Variants in ZNF217 observed in about 807,000 individuals in gnomAD.
ZNF217 encodes zinc finger protein 217.
In ZNF217, 12 loss-of-function variants were observed where a neutral mutation model predicts 73.3. The observed-to-expected ratio is 0.16, with a 90% CI of 0.10 to 0.27. ZNF217 has a LOEUF of 0.27. Among genes scored for constraint, ZNF217 ranks in the 10% least tolerant of loss-of-function variants. ZNF217 has a pLI of 1.00. For synonymous variants in ZNF217, 588 were observed against 516.4 expected (o/e 1.14, Z -1.88); for missense variants, 1,195 against 1,327.8 (o/e 0.90, Z 1.55).
intron 2 of ZNF217, among the ~76,000 whole-genome samples, chr20:53,580,751 C>T (rs1988450989): frequency 6.6e-6 from 1 of 152,112 alleles, no homozygotes; most frequent in African/African-American, 2.4e-5. Context: ...CCTGAGGTAC[C>T]TATAAATGGA....
upstream of ZNF217, among the ~76,000 whole-genome samples, chr20:53,595,048 A>C (rs1369938499): frequency 6.0e-3 from 771 of 128,600 alleles, 4 homozygotes; most frequent in Non-Finnish European, 8.0e-3. Context: ...AAAAGGGACA[A>C]AAAAAAAAAA....
At chr20:53,597,093 A>AC (rs1989054288), upstream of ZNF217, among the ~76,000 whole-genome samples, 1 of 151,640 alleles carries the variant, frequency 6.6e-6, no homozygotes, top group Non-Finnish European at 1.5e-5. Flanking sequence ...CAAAAAAAAA[A>AC]AAAGAAAAAA....
chr20:53,577,616 TG>T (rs1568684269), intron 3 of ZNF217, among the ~76,000 whole-genome samples: 1 of 152,208 alleles, frequency 6.6e-6, no homozygotes, highest in African/African-American at 2.4e-5. Flanking sequence ...AGATAGTAAG[TG>T]GAAGAGATGA....
rs573619408 is a variant in ZNF217, at chr20:53,591,340, T to A, written c.-343+2416A>T. The stretch of plus-strand genomic sequence containing the variant: ...TCCTTCACCAATAAAAGTCATATCT[T>A]GTCCTCTACTTCCTCCTTCTGTAGG... On this transcript the variant is annotated intron_variant, in intron 1 of 5. Coordinates refer to ENST00000371471, the MANE Select transcript of ZNF217 (RefSeq NM_006526.3). 2.0e-5 allele frequency among the ~76,000 whole-genome samples: 3 copies of A among 152,376 alleles called. No individual in the cohort carries two copies. In the East Asian group the frequency reaches 5.8e-4, roughly 29 times the overall value.
rs371706071 is a variant in ZNF217, at chr20:53,576,401, G to A, written c.2363C>T (p.Pro788Leu). Reference protein sequence around the residue: ...SAFPAQSKSLPSAKGKQSPPG... With the variant: ...SAFPAQSKSLLSAKGKQSPPG... ...AGGGCTCTGCTTCCCCTTCGCAGAT[G>A]GCAGGGATTTGGACTGCGCCGGGAA... The change falls in exon 4 of 6, where the codon CCA (proline) becomes CTA (leucine). Residue 788 changes from proline to leucine, a missense_variant. Physicochemically the swap from Pro to Leu is moderately conservative, Grantham distance 98. Transcript: ENST00000371471. 1.3e-5 allele frequency: 21 copies of A among 1,614,116 alleles called. No homozygotes were observed. The African/African-American group carries it at 2.1e-4, about 16-fold the overall frequency.
At chr20:53,586,890 A>G (rs890866575) in intron 1 of ZNF217, among the ~76,000 whole-genome samples, 5 of 152,238 alleles carry the variant, frequency 3.3e-5, no homozygotes, top group African/African-American at 1.2e-4. Flanking sequence ...GTCTTTCTTG[A>G]CAAAGAACTG....
chr20:53,591,035 C>CT (rs1988861988), intron 1 of ZNF217, among the ~76,000 whole-genome samples: 1 of 149,528 alleles, frequency 6.7e-6, no homozygotes, highest in Non-Finnish European at 1.5e-5. Context: ...TTCACTGCTC[C>CT]TCCTTCCTCC....
At chr20:53,593,711 GGCGGGCGCCCCGGCTGGC>G (rs951336654) in intron 1 of ZNF217, 27 bp downstream of exon 1, 13 of 151,436 alleles carry the variant, frequency 8.6e-5, no homozygotes, top group African/African-American at 3.1e-4. Context: ...CGCAGGACCG[GGCGGGCGCCCCGGCTGGC>G]GCGGGCGGGG....
intron 1 of ZNF217, among the ~76,000 whole-genome samples, chr20:53,593,025 G>C (rs1336948488): frequency 6.6e-6 from 1 of 151,878 alleles, no homozygotes; most frequent in African/African-American, 2.4e-5. Context: ...TTTAAAATTA[G>C]AGGAGGGAAA....
rs762298072 is a variant in ZNF217, at chr20:53,581,508, C to G, written c.1319G>C (p.Gly440Ala). ...CCCATCCTCAGATCCGTCTTCAGAA[C>G]CACCTTCCCCTCGATCCACGGCTCC... ...ENGAVDRGEG[G>A]SEDGSEDGLP... is the part of the protein sequence containing the mutation. Residue 440 changes from glycine (G) to alanine (A), a missense_variant, in exon 2 of 6, where the codon GGT (glycine) becomes GCT (alanine). Gly to Ala is a moderately conservative substitution (Grantham distance 60, BLOSUM62 0). Coordinates refer to ENST00000371471, the MANE Select transcript of ZNF217 (RefSeq NM_006526.3). The surrounding 1 kb of genome is among the most constrained non-coding windows in gnomAD (Gnocchi z 4.9). 1 of 1,613,764 alleles carries G rather than the reference C, an allele frequency of 6.2e-7. No homozygotes were observed. The highest frequency in any genetic ancestry group is 1.1e-5 in the South Asian group (1 of 91,070).
chr20:53,576,364 G>A lies in ZNF217; in HGVS notation c.2400C>T (p.Gly800=). The change falls in exon 4 of 6, where the codon GGC becomes GGT. Residue 800 remains glycine (G), a synonymous_variant. Coordinates refer to ENST00000371471, the MANE Select transcript of ZNF217 (RefSeq NM_006526.3). The stretch of plus-strand genomic sequence containing the variant: ...CTATCCCTGAAGTCAGAGGGGCCTT[G>A]CCTGGCCCAGGAGGGCTCTGCTTCC... ...AKGKQSPPGP[G]KAPLTSGIDS... is the part of the protein sequence containing the mutation. The A allele has an allele frequency of 6.2e-7, 1 of 1,614,206 alleles. No homozygotes were observed. Among genetic ancestry groups the A allele is most frequent in the Non-Finnish European group, 8.5e-7 (1 of 1,180,048 alleles).
Position 53,576,195 on chromosome 20 carries a change from G to A in ZNF217, c.2569C>T (p.Pro857Ser). Residue 857 changes from proline (P) to serine (S), a missense_variant, in exon 4 of 6, where the codon CCC becomes TCC. By Grantham distance (74) the Pro-to-Ser change is moderately conservative (BLOSUM62 -1). Transcript: ENST00000371471. The part of the protein sequence containing the change: ...VSPAPDKTKR[P>S]ETKLKPLPVA... ...GGAAGAGGTTTCAATTTTGTCTCGG[G>A]TCTTTTTGTCTTATCCGGTGCAGGG... 1.2e-6 allele frequency: 2 copies of A among 1,614,264 alleles called. No individual in the cohort carries two copies. The highest frequency in any genetic ancestry group is 1.6e-4 in the Middle Eastern group (1 of 6,062).
rs968294885 is a variant in ZNF217 at position 53,571,981 on chromosome 20, C to T, written c.3038-128G>A. 7 of 906,676 alleles carry T rather than the reference C, an allele frequency of 7.7e-6. No homozygotes were observed. In the East Asian group the frequency reaches 1.2e-4, roughly 16 times the overall value. 56.2% of individuals were successfully genotyped at this position (906,676 alleles called of 1,614,324 possible). A position where few individuals can be genotyped will look rare whatever the true frequency, so the allele number is the denominator to read the frequency against. ...GTAATCAACGCCTAAGTCACACAGT[C>T]GCATGCAAGTGTTTTCAGTTACAGC... is the stretch of plus-strand genomic sequence containing the variant. On this transcript the variant is annotated intron_variant, in intron 4 of 5. Coordinates refer to ENST00000371471, the MANE Select transcript of ZNF217 (RefSeq NM_006526.3).
At chr20:53,570,138 A>G (rs1987930313) in intron 5 of ZNF217, 1 of 152,336 alleles carries the variant, frequency 6.6e-6, no homozygotes. Context: ...GGATGCTTCG[A>G]GTAACCTGTT....
Position 53,569,102 on chromosome 20 carries a change from T to G in ZNF217, c.*186A>C. 7.8e-7 allele frequency: 1 copy of G among 1,285,932 alleles called. No homozygotes were observed. The highest frequency in any genetic ancestry group is 1.0e-6 in the Non-Finnish European group (1 of 983,488). The allele number at this position is 1,285,932 out of a possible 1,614,324, so 79.7% of individuals were successfully genotyped here. On this transcript the variant is annotated 3_prime_UTR_variant, in exon 6 of 6. Transcript: ENST00000371471. ...TTTGTATTGCTATTTGGTACAAAAG[T>G]TAACAGAACAACTTTACACAACTGT...
intron 1 of ZNF217, among the ~76,000 whole-genome samples, chr20:53,592,042 C>T (rs1988892582): frequency 6.6e-6 from 1 of 152,222 alleles, no homozygotes; most frequent in Non-Finnish European, 1.5e-5. Flanking sequence ...AGCTTAATCT[C>T]ATGTCAAGTC....
intron 4 of ZNF217, 33 bp from the exon 5 acceptor site, chr20:53,571,886 G>A (rs1423474855): frequency 6.3e-7 from 1 of 1,576,632 alleles, no homozygotes; most frequent in East Asian, 2.3e-5. Flanking sequence ...TTAGAGTTAA[G>A]GTCAAACAAT....
intron 3 of ZNF217, 108 bp from the exon 4 acceptor site, chr20:53,577,388 G>A (rs879333456): frequency 2.4e-5 from 23 of 971,834 alleles, no homozygotes; most frequent in African/African-American, 3.3e-5. Flanking sequence ...TTGCTTTCTC[G>A]ATCTACTATC....
At chr20:53,577,436 G>A (rs190337659) in intron 3 of ZNF217, among the ~76,000 whole-genome samples, 156 bp from the exon 4 acceptor site, 3 of 152,264 alleles carry the variant, frequency 2.0e-5, no homozygotes, top group Admixed American at 6.5e-5. Flanking sequence ...CATCCTTACT[G>A]TAATGAATAT....
Sources: allele counts gnomAD v4.1 joint callset (sites outside exome capture counted in the v4.1 genomes callset), GRCh38; gene constraint gnomAD v4.1.1; non-coding constraint Gnocchi (gnomAD v3.1); transcripts MANE v1.5; gene names NCBI Gene and HGNC (gene_info 2026-07-23, HGNC 2026-07-21).